The following TTLL11 variants were observed in gnomAD, a reference collection of about 807,000 sequenced individuals.
TTLL11 encodes tubulin tyrosine ligase like 11.
In TTLL11, 42 loss-of-function variants were observed where a neutral mutation model predicts 51.7. The observed-to-expected ratio is 0.81, with a 90% CI of 0.64 to 1.05. The LOEUF (loss-of-function observed/expected upper bound fraction) is 1.05. Among genes scored for constraint, TTLL11 ranks in the 50% least tolerant of loss-of-function variants. TTLL11 has a pLI of 0.00. For synonymous variants in TTLL11, 381 were observed against 383.5 expected (o/e 0.99, Z 0.08); for missense variants, 799 against 940.4 (o/e 0.85, Z 1.97).
chr9:122,005,227 G>A (rs939743750), intron 3 of TTLL11, among the ~76,000 whole-genome samples: 3 of 152,142 alleles, frequency 2.0e-5, no homozygotes, highest in East Asian at 1.9e-4. Context: ...GGATTCACTC[G>A]GCGGGGGAGT....
rs113096831 is a variant in TTLL11 at position 121,919,385 on chromosome 9, A to G, written c.1482-48637T>C. 5.0e-3 allele frequency among the ~76,000 whole-genome samples: 759 copies of G among 152,320 alleles called. 8 individuals carry two copies. Among genetic ancestry groups the G allele is most frequent in the African/African-American group, 0.018 (737 of 41,560 alleles). The stretch of plus-strand genomic sequence containing the variant: ...GGCTTACACAGATAGGTAGACATAG[A>G]TAAAATGCCTTAAAATGAACATGGA... On this transcript the variant is annotated intron_variant, in intron 6 of 8. Coordinates refer to ENST00000321582, the MANE Select transcript of TTLL11 (RefSeq NM_001139442.2).
intron 3 of TTLL11, among the ~76,000 whole-genome samples, chr9:122,014,989 G>GT (rs1843922355): frequency 6.6e-6 from 1 of 152,172 alleles, no homozygotes; most frequent in Admixed American, 6.5e-5. Context: ...GAATATCTGA[G>GT]TACACCAGCA....
intron 6 of TTLL11, among the ~76,000 whole-genome samples, chr9:121,913,144 C>T (rs1189217264): frequency 6.6e-6 from 1 of 152,206 alleles, no homozygotes; most frequent in African/African-American, 2.4e-5. Flanking sequence ...ATTTCTTATC[C>T]ATGACTCCCT....
chr9:121,983,125 AT>A (rs2131677422), intron 4 of TTLL11, among the ~76,000 whole-genome samples: 1 of 152,310 alleles, frequency 6.6e-6, no homozygotes, highest in South Asian at 2.1e-4. Context: ...ATTTGGGAAT[AT>A]TTTAAAGGAT....
intron 6 of TTLL11, among the ~76,000 whole-genome samples, chr9:121,898,886 G>A (rs1305245188): frequency 6.6e-6 from 1 of 152,180 alleles, no homozygotes; most frequent in East Asian, 1.9e-4. Context: ...TGCTGGGCAG[G>A]GAAGGAGCCA....
intron 8 of TTLL11, 60 bp downstream of exon 8, chr9:121,860,277 A>G: frequency 7.5e-7 from 1 of 1,332,368 alleles, no homozygotes; most frequent in Non-Finnish European, 1.0e-6. Flanking sequence ...GGAACAGAAA[A>G]TATACCACCC....
intron 6 of TTLL11, among the ~76,000 whole-genome samples, chr9:121,902,365 T>A (rs10985440): frequency 0.054 from 8,195 of 152,354 alleles, 252 homozygotes; most frequent in Middle Eastern, 0.088. Flanking sequence ...GAGGTGGTTT[T>A]GAATAAAAGT....
chr9:121,925,521 G>A (rs1840697669), intron 6 of TTLL11, among the ~76,000 whole-genome samples: 1 of 148,856 alleles, frequency 6.7e-6, no homozygotes, highest in Non-Finnish European at 1.5e-5. Flanking sequence ...CCTTCTGCCT[G>A]GGAGGCCCTC....
At chr9:121,860,308 A>T in intron 8 of TTLL11, 29 bp downstream of exon 8, 1 of 1,524,060 alleles carries the variant, frequency 6.6e-7, no homozygotes, top group Non-Finnish European at 8.9e-7. Context: ...GGACCCCCAC[A>T]GGCCATGGCA....
chr9:122,005,544 A>G (rs1012005467), intron 3 of TTLL11, among the ~76,000 whole-genome samples: 1 of 152,214 alleles, frequency 6.6e-6, no homozygotes, highest in African/African-American at 2.4e-5. Flanking sequence ...CCCTCTCTGC[A>G]CACAAGTTCT....
chr9:121,927,149 T>C (rs921504823), intron 6 of TTLL11, among the ~76,000 whole-genome samples: 2 of 152,182 alleles, frequency 1.3e-5, no homozygotes, highest in Admixed American at 6.5e-5. Flanking sequence ...AAACATTTGG[T>C]TTATAGCATA....
At position 121,989,046 on chromosome 9, in the gene TTLL11, C is replaced by T; in HGVS notation, c.1269+149G>A. 1 of 1,498,188 alleles carries T rather than the reference C, an allele frequency of 6.7e-7. No individual in the cohort carries two copies. The highest frequency in any genetic ancestry group is 8.9e-7 in the Non-Finnish European group (1 of 1,123,844). The allele number at this position is 1,498,188 out of a possible 1,614,324, so 92.8% of individuals were successfully genotyped here. ...GCAAACAGAAAGCTTGGAAGTTGGG[C>T]CCAGGTTTAACACCCAAGCCCACAG... is the stretch of plus-strand genomic sequence containing the variant. On this transcript the variant is annotated intron_variant, in intron 4 of 8. Transcript: ENST00000321582. This position sits in a 1 kb window ranked among gnomAD's most constrained non-coding sequence, Gnocchi z 4.2.
chr9:122,035,555 C>G (rs1844679178), intron 2 of TTLL11, among the ~76,000 whole-genome samples: 1 of 152,228 alleles, frequency 6.6e-6, no homozygotes, highest in Non-Finnish European at 1.5e-5. Flanking sequence ...ACTTGGAGCA[C>G]TATTCAATCA....
At chr9:122,014,976 T>A (rs959017278) in intron 3 of TTLL11, among the ~76,000 whole-genome samples, 1 of 152,144 alleles carries the variant, frequency 6.6e-6, no homozygotes, top group African/African-American at 2.4e-5. Flanking sequence ...CTAAACCACA[T>A]AAGAATATCT....
chr9:121,875,808 A>T (rs1406809599), intron 6 of TTLL11, among the ~76,000 whole-genome samples: 1 of 152,242 alleles, frequency 6.6e-6, no homozygotes, highest in African/African-American at 2.4e-5. Flanking sequence ...TAATTTTTTT[A>T]AAACTGAATT....
At chr9:121,945,455 C>T (rs908964415) in intron 6 of TTLL11, among the ~76,000 whole-genome samples, 5 of 152,136 alleles carry the variant, frequency 3.3e-5, no homozygotes, top group African/African-American at 1.2e-4. Context: ...TTCAAGGAGC[C>T]GACCACAATG....
intron 7 of TTLL11, among the ~76,000 whole-genome samples, chr9:121,867,767 T>C (rs1838223018): frequency 6.6e-6 from 1 of 152,090 alleles, no homozygotes; most frequent in African/African-American, 2.4e-5. Context: ...GCCACCCTGC[T>C]GGGGAGTCCA....
At chr9:121,877,353 C>CA (rs1838604353) in intron 6 of TTLL11, among the ~76,000 whole-genome samples, 1 of 152,322 alleles carries the variant, frequency 6.6e-6, no homozygotes, top group African/African-American at 2.4e-5. Flanking sequence ...TCTGCTATCG[C>CA]AGAGGCTCCA....
At chr9:121,968,580 C>T (rs997604389) in intron 6 of TTLL11, among the ~76,000 whole-genome samples, 3 of 152,114 alleles carry the variant, frequency 2.0e-5, no homozygotes, top group Non-Finnish European at 4.4e-5. Context: ...TTTTTTGAGA[C>T]AGAGTCTCGC....
Sources: allele counts gnomAD v4.1 joint callset (sites outside exome capture counted in the v4.1 genomes callset), GRCh38; gene constraint gnomAD v4.1.1; non-coding constraint Gnocchi (gnomAD v3.1); transcripts MANE v1.5; gene names NCBI Gene and HGNC (gene_info 2026-07-23, HGNC 2026-07-21).